PGS1: variants seen among roughly 807,000 people sequenced by gnomAD.
The protein encoded by PGS1 is CDP-diacylglycerol--glycerol-3-phosphate 3-phosphatidyltransferase, mitochondrial.
PGS1 carries 44 observed loss-of-function variants against 58.3 expected under a neutral mutation model. The ratio of observed to expected loss-of-function variants is 0.75; its 90% CI spans 0.59 to 0.97. The LOEUF is 0.97. Among genes scored for constraint, PGS1 ranks in the 50% least tolerant of loss-of-function variants. The pLI is 0.00. For synonymous variants in PGS1, 330 were observed against 311.0 expected, an observed-to-expected ratio of 1.06 and a Z score of -0.64; for missense variants, 684 against 731.1, an observed-to-expected ratio of 0.94 and a Z score of 0.74.
intron 7 of PGS1, among the ~76,000 whole-genome samples, chr17:78,406,814 C>T (rs1358576056): frequency 6.6e-6 from 1 of 152,184 alleles, no homozygotes; most frequent in South Asian, 2.1e-4. Flanking sequence ...AGTGGCTAGG[C>T]GTCGCTCTCC....
chr17:78,410,933 C>G (rs552051056), intron 7 of PGS1, among the ~76,000 whole-genome samples: 2 of 152,312 alleles, frequency 1.3e-5, no homozygotes, highest in African/African-American at 4.8e-5. Flanking sequence ...CAGACTAACT[C>G]CCTGCCCTCC....
intron 9 of PGS1, chr17:78,423,845 C>G: frequency 9.4e-6 from 15 of 1,593,014 alleles, no homozygotes; most frequent in Non-Finnish European, 1.3e-5. Flanking sequence ...CACAGGTGCA[C>G]AGGTGAAGGG....
At position 78,399,409 on chromosome 17, in the gene PGS1, A is replaced by G. The variant is rs1421142092; in HGVS notation, c.573A>G (p.Arg191=). Residue 191 remains arginine (R), a synonymous_variant, in exon 5 of 10, where the codon CGA becomes CGG. Transcript: ENST00000262764. The part of the protein sequence containing the change: ...PLLRRFPEQV[R]VSLFHTPHLR... ...TGCGGAGGTTCCCAGAGCAGGTCCG[A>G]GTCTCCCTCTTTCACACGCCGCACC... The G allele has an allele frequency of 1.2e-6, 2 of 1,614,060 alleles. No homozygotes were observed. Among genetic ancestry groups the G allele is most frequent in the African/African-American group, 2.7e-5 (2 of 75,040 alleles).
chr17:78,424,182 G>C lies in PGS1; in HGVS notation c.*132G>C, dbSNP rs770512056. 2.8e-5 allele frequency: 45 copies of C among 1,586,778 alleles called. No individual in the cohort carries two copies. The East Asian group carries it at 3.4e-4, about 12-fold the overall frequency. ...CAGGGACAGTATGGCTGAGGGTCAGGTGTGCTGCCAGTAAGTGAGGGAGGG... is the reference window on the plus strand; with the variant it reads ...CAGGGACAGTATGGCTGAGGGTCAGCTGTGCTGCCAGTAAGTGAGGGAGGG... On this transcript the variant is annotated 3_prime_UTR_variant, in exon 10 of 10. Coordinates refer to ENST00000262764, the MANE Select transcript of PGS1 (RefSeq NM_024419.5).
chr17:78,402,575 G>A (rs761959632), intron 6 of PGS1, among the ~76,000 whole-genome samples: 5 of 152,230 alleles, frequency 3.3e-5, no homozygotes, highest in Non-Finnish European at 7.4e-5. Flanking sequence ...AGCTGCCCGA[G>A]TAGCTGGGGT....
intron 7 of PGS1, among the ~76,000 whole-genome samples, chr17:78,413,236 C>A (rs897553121): frequency 6.6e-6 from 1 of 152,202 alleles, no homozygotes; most frequent in Non-Finnish European, 1.5e-5. Flanking sequence ...CCAAGATGTT[C>A]TTGGAAATGC....
chr17:78,406,481 T>G (rs926733612), intron 7 of PGS1, among the ~76,000 whole-genome samples: 1 of 152,232 alleles, frequency 6.6e-6, no homozygotes, highest in Admixed American at 6.5e-5. Context: ...GCTTCTGGCA[T>G]GTCCAGGGCA....
chr17:78,390,067 C>CCCCCCCCCCCCCCCCCCCCCGCCCCCCT (rs1883308583), intron 1 of PGS1, among the ~76,000 whole-genome samples: 8 of 143,502 alleles, frequency 5.6e-5, no homozygotes, highest in East Asian at 2.1e-4. Flanking sequence ...CCTGTTCCCC[C>CCCCCCCCCCCCCCCCCCCCCGCCCCCCT]GCCCCCGACC....
intron 7 of PGS1, among the ~76,000 whole-genome samples, chr17:78,405,809 C>A (rs2146249681): frequency 6.6e-6 from 1 of 152,256 alleles, no homozygotes; most frequent in Non-Finnish European, 1.5e-5. Flanking sequence ...AGTCCAGAGG[C>A]CTGTTTTGCT....
At chr17:78,420,245 T>A (rs577411600) in intron 9 of PGS1, 1 of 988,432 alleles carries the variant, frequency 1.0e-6, no homozygotes, top group African/African-American at 1.7e-5. Flanking sequence ...GGAAGTTGAG[T>A]AACAGGACCT....
At chr17:78,398,110 G>A in intron 3 of PGS1, 142 bp from the exon 4 acceptor site, 2 of 747,068 alleles carry the variant, frequency 2.7e-6, no homozygotes, top group Non-Finnish European at 4.9e-6. Context: ...AGCTTTTGTG[G>A]TGTTGGTGTC....
intron 4 of PGS1, 34 bp downstream of exon 4, chr17:78,398,385 C>A: frequency 5.7e-6 from 8 of 1,402,248 alleles, no homozygotes; most frequent in Non-Finnish European, 7.1e-6. Context: ...CCTCCTGCTT[C>A]CTGTGTCAGA....
chr17:78,398,423 AC>A (rs910241947), intron 4 of PGS1, 72 bp downstream of exon 4: 141 of 1,009,302 alleles, frequency 1.4e-4, no homozygotes, highest in Non-Finnish European at 2.4e-5. Context: ...GGTTACTGTC[AC>A]CCCCTCATCC....
At chr17:78,417,785 G>C (rs2085325504) in intron 8 of PGS1, among the ~76,000 whole-genome samples, 1 of 151,890 alleles carries the variant, frequency 6.6e-6, no homozygotes, top group South Asian at 2.1e-4. Context: ...GTGGAGGAGA[G>C]AGGGCTAGAG....
At position 78,400,246 on chromosome 17, in the gene PGS1, G is replaced by A. The variant is rs1260330818; in HGVS notation, c.702-431G>A. On this transcript the variant is annotated intron_variant, in intron 5 of 9. Coordinates refer to ENST00000262764, the MANE Select transcript of PGS1 (RefSeq NM_024419.5). The surrounding 1 kb of genome is among the most constrained non-coding windows in gnomAD (Gnocchi z 4.4). ...CTAAAAATACAAAAATTAGCTGGGT[G>A]TGGTGGCACACACCTGTAATCCCAG... 6.6e-6 allele frequency among the ~76,000 whole-genome samples: 1 copy of A among 152,108 alleles called. No homozygotes were observed. The highest frequency in any genetic ancestry group is 2.4e-5 in the African/African-American group (1 of 41,388).
Position 78,378,707 on chromosome 17 carries a change from G to T in PGS1, c.42G>T (p.Trp14Cys). The change falls in exon 1 of 10, where the codon TGG becomes TGT. Residue 14 changes from tryptophan (W) to cysteine (C), a missense_variant. Physicochemically the swap from Trp to Cys is radical, Grantham distance 215. Transcript: ENST00000262764. ...AAAAAAGPVF[W>C]RRLLGLLPGR... ...CAGCTGCGGCGGGACCCGTGTTCTG[G>T]AGGCGACTGCTGGGCCTCCTGCCTG... 6.6e-7 allele frequency: 1 copy of T among 1,522,592 alleles called. No individual in the cohort carries two copies. 94.3% of individuals were successfully genotyped at this position (1,522,592 alleles called of 1,614,324 possible).
intron 1 of PGS1, among the ~76,000 whole-genome samples, chr17:78,387,545 C>T (rs1018009129): frequency 6.7e-6 from 1 of 149,810 alleles, no homozygotes. Flanking sequence ...GTGATATGCC[C>T]GCCTTGGCCT....
intron 3 of PGS1, 74 bp from the exon 4 acceptor site, chr17:78,398,178 G>A: frequency 9.3e-7 from 1 of 1,073,270 alleles, no homozygotes; most frequent in South Asian, 1.2e-5. Context: ...CTAGCCGATG[G>A]GGCGATTTGT....
Position 78,400,764 on chromosome 17 carries a change from G to A in PGS1, c.789G>A (p.Thr263=), listed in dbSNP as rs147415949. 1.2e-4 allele frequency: 200 copies of A among 1,613,960 alleles called. No homozygotes were observed. The East Asian group carries it at 3.9e-3, about 31-fold the overall frequency. The change falls in exon 6 of 10, where the codon ACG becomes ACA. Residue 263 remains threonine (T), a synonymous_variant. Transcript: ENST00000262764. The surrounding 1 kb of genome is among the most constrained non-coding windows in gnomAD (Gnocchi z 4.4). The part of the protein sequence containing the change: ...QDCAEIADFF[T]ELVDAVGDVS... The stretch of plus-strand genomic sequence containing the variant: ...GTGCGGAGATTGCCGACTTCTTCAC[G>A]GAGCTGGTGGACGCGGTGGGGGATG...
Sources: gnomAD v4.1 joint callset for allele counts (sites outside exome capture counted in the v4.1 genomes callset) on GRCh38, gnomAD v4.1.1 for gene constraint, Gnocchi (gnomAD v3.1) non-coding constraint, MANE v1.5 for transcripts, NCBI Gene and HGNC (gene_info 2026-07-23, HGNC 2026-07-21) for gene names.